Variants in SCML2 observed in about 807,000 individuals in gnomAD.
SCML2 encodes the protein Scm polycomb group protein like 2, also known as sex comb on midleg-like protein 2.
SCML2 carries 6 observed loss-of-function variants against 48.4 expected under a neutral mutation model. That is an observed-to-expected ratio of 0.12 (90% CI 0.07 to 0.24). The LOEUF (loss-of-function observed/expected upper bound fraction) is 0.24. Among genes scored for constraint, SCML2 ranks in the 10% least tolerant of loss-of-function variants. SCML2 has a pLI of 1.00. For synonymous variants in SCML2, 181 were observed against 189.5 expected (o/e 0.95, Z 0.37); for missense variants, 377 against 528.2 (o/e 0.71, Z 2.81).
At chrX:18,342,511 A>G (rs1047327223) in intron 1 of SCML2, among the ~76,000 whole-genome samples, 3 of 111,848 alleles carry the variant, frequency 2.7e-5, no homozygotes, top group African/African-American at 9.7e-5. Flanking sequence ...CAGGAGTTCA[A>G]GGCCAGCCTG....
chrX:18,290,144 C>T lies in SCML2; in HGVS notation c.730+14828G>A, dbSNP rs576599397. Among the ~76,000 whole-genome samples, 5 of 111,534 alleles carry T rather than the reference C, an allele frequency of 4.5e-5. No homozygotes were observed. The Middle Eastern group carries it at 0.014, about 308-fold the overall frequency. On this transcript the variant is annotated intron_variant, in intron 7 of 14. Coordinates refer to ENST00000251900, the MANE Select transcript of SCML2 (RefSeq NM_006089.3). ...ATTCAAAGAAGCAGCTAACACTGCC[C>T]AAAATAATTAATTACCTTTAAGGTC...
At chrX:18,340,232 A>G (rs1188869981) in intron 1 of SCML2, among the ~76,000 whole-genome samples, 2 of 110,698 alleles carry the variant, frequency 1.8e-5, no homozygotes, top group African/African-American at 6.6e-5. Context: ...TGGGCGGCAC[A>G]GTGAAACCCA....
chrX:18,284,430 C>T (rs1329461921), intron 7 of SCML2, among the ~76,000 whole-genome samples: 1 of 112,049 alleles, frequency 8.9e-6, no homozygotes, highest in Non-Finnish European at 1.9e-5. Context: ...AACAAAGGAG[C>T]TTCTGCACAG....
At chrX:18,328,692 A>T (rs779577048) in intron 3 of SCML2, among the ~76,000 whole-genome samples, 96 of 111,704 alleles carry the variant, frequency 8.6e-4, no homozygotes, top group Non-Finnish European at 1.5e-3. Flanking sequence ...TCAATAAAAG[A>T]GGGCAGGAAT....
chrX:18,333,902 T>C, intron 2 of SCML2, 148 bp downstream of exon 2: 1 of 430,290 alleles, frequency 2.3e-6, no homozygotes, highest in Non-Finnish European at 3.9e-6. Context: ...TTAATAGCTA[T>C]TCAGTTCTAA....
In SCML2 at chrX:18,310,123, T is replaced by C. The variant is rs1291048507; in HGVS notation, c.487-4908A>G. The stretch of plus-strand genomic sequence containing the variant: ...TTGGTTTGTCATCATCATCGGTTCT[T>C]TAATAACTTCCTGAACACAAAAATA... On this transcript the variant is annotated intron_variant, in intron 6 of 14. Transcript: ENST00000251900. Among the ~76,000 whole-genome samples, 4 of 111,727 alleles carry C rather than the reference T, an allele frequency of 3.6e-5. No homozygotes were observed. The South Asian group carries it at 1.5e-3, about 41-fold the overall frequency.
In SCML2 at chrX:18,291,081, A is replaced by G. The variant is rs184998906; in HGVS notation, c.730+13891T>C. ...TTGAAAACGGAAAACGGCAAGATCA[A>G]ATAAGTTTGCAAGAAGAAAATCTAC... On this transcript the variant is annotated intron_variant, in intron 7 of 14. Coordinates refer to ENST00000251900, the MANE Select transcript of SCML2 (RefSeq NM_006089.3). 1.1e-3 allele frequency among the ~76,000 whole-genome samples: 121 copies of G among 112,093 alleles called. 1 individual carries two copies. Among genetic ancestry groups the G allele is most frequent in the African/African-American group, 3.7e-3 (113 of 30,934 alleles).
At chrX:18,288,640 A>G (rs1336367205) in intron 7 of SCML2, among the ~76,000 whole-genome samples, 1 of 112,060 alleles carries the variant, frequency 8.9e-6, no homozygotes, top group Non-Finnish European at 1.9e-5. Context: ...CAAAGCAGAC[A>G]ATGAATTTCT....
At position 18,239,524 on chromosome X, in the gene SCML2, C is replaced by T. The variant is rs1926193148; in HGVS notation, c.*1727G>A. 1 of 112,160 alleles carries T rather than the reference C, an allele frequency of 8.9e-6. No individual in the cohort carries two copies. Among genetic ancestry groups the T allele is most frequent in the African/African-American group, 3.3e-5 (1 of 30,733 alleles). 9.2% of individuals were successfully genotyped at this position (112,160 alleles called of 1,213,427 possible). ...AATAGTTGCATTCATGTCTAAAGTA[C>T]ATTTGGTTTTCTAAAAAGAAAATGT... On this transcript the variant is annotated 3_prime_UTR_variant, in exon 15 of 15. Coordinates refer to ENST00000251900, the MANE Select transcript of SCML2 (RefSeq NM_006089.3).
intron 1 of SCML2, among the ~76,000 whole-genome samples, chrX:18,339,977 C>T (rs1177155826): frequency 8.9e-6 from 1 of 112,093 alleles, no homozygotes; most frequent in Admixed American, 9.5e-5. Flanking sequence ...AACCCATATA[C>T]AACATATATT....
chrX:18,256,107 G>C (rs1926831203), intron 11 of SCML2, among the ~76,000 whole-genome samples: 2 of 111,545 alleles, frequency 1.8e-5, no homozygotes, highest in Admixed American at 1.9e-4. Context: ...TCAGGCATCG[G>C]TTTGGGGTTC....
At chrX:18,301,735 C>T (rs961807190) in intron 7 of SCML2, among the ~76,000 whole-genome samples, 1 of 111,546 alleles carries the variant, frequency 9.0e-6, no homozygotes, top group African/African-American at 3.3e-5. Context: ...CATGATTGCA[C>T]CACTGCACTC....
chrX:18,348,382 T>C (rs913318744), intron 1 of SCML2, among the ~76,000 whole-genome samples: 7 of 111,865 alleles, frequency 6.3e-5, no homozygotes, highest in African/African-American at 2.3e-4. Context: ...CAATCCCCAC[T>C]AGACAACAGA....
At chrX:18,318,815 T>C (rs958166346) in intron 6 of SCML2, among the ~76,000 whole-genome samples, 3 of 112,038 alleles carry the variant, frequency 2.7e-5, no homozygotes, top group Non-Finnish European at 5.6e-5. Flanking sequence ...ACCAGTGGGT[T>C]ATTGTAATTG....
chrX:18,343,246 A>C (rs1485806223), intron 1 of SCML2, among the ~76,000 whole-genome samples: 1 of 106,868 alleles, frequency 9.4e-6, no homozygotes, highest in Non-Finnish European at 1.9e-5. Context: ...CTACCTGAAG[A>C]GTAGTGATCT....
In SCML2 at chrX:18,321,169, G is replaced by GA. The variant is rs1929305581; in HGVS notation, c.398-750dup. On this transcript the variant is annotated intron_variant, in intron 5 of 14. Coordinates refer to ENST00000251900, the MANE Select transcript of SCML2 (RefSeq NM_006089.3). ...TTGAAATTCTCCATAAAATGTGTTA[G>GA]AAAAAAGACAGCTCTCACTTTAGCA... 3.6e-5 allele frequency among the ~76,000 whole-genome samples: 4 copies of GA among 111,379 alleles called. No homozygotes were observed. The East Asian group carries it at 1.1e-3, about 31-fold the overall frequency.
chrX:18,286,633 T>C (rs1312163616), intron 7 of SCML2, among the ~76,000 whole-genome samples: 5 of 111,433 alleles, frequency 4.5e-5, no homozygotes, highest in Non-Finnish European at 9.4e-5. Context: ...TCTGTTCTAG[T>C]CAGACATCCC....
rs781263570 is a variant in SCML2, at chrX:18,239,530, G to C, written c.*1721C>G. The C allele has an allele frequency of 2.7e-5, 3 of 112,190 alleles. No homozygotes were observed. Among genetic ancestry groups the C allele is most frequent in the Non-Finnish European group, 5.6e-5 (3 of 53,209 alleles). The allele number at this position is 112,190 out of a possible 1,213,427, so 9.2% of individuals were successfully genotyped here. A position where few individuals can be genotyped will look rare whatever the true frequency, so the allele number is the denominator to read the frequency against. ...TGCATTCATGTCTAAAGTACATTTG[G>C]TTTTCTAAAAAGAAAATGTACATTC... On this transcript the variant is annotated 3_prime_UTR_variant, in exon 15 of 15. Coordinates refer to ENST00000251900, the MANE Select transcript of SCML2 (RefSeq NM_006089.3).
chrX:18,260,067 C>T, intron 9 of SCML2, 104 bp downstream of exon 9: 5 of 512,491 alleles, frequency 9.8e-6, no homozygotes, highest in South Asian at 7.9e-5. Flanking sequence ...TTAATATTAC[C>T]ATCTTTTTCC....
Sources: gnomAD v4.1 joint callset for allele counts (sites outside exome capture counted in the v4.1 genomes callset) on GRCh38, gnomAD v4.1.1 for gene constraint, MANE v1.5 for transcripts, NCBI Gene and HGNC (gene_info 2026-07-23, HGNC 2026-07-21) for gene names.